TMC4: variants seen among roughly 807,000 people sequenced by gnomAD.
The protein encoded by TMC4 is voltage-gated chloride channel TMC4.
In TMC4, 70 loss-of-function variants were observed where a neutral mutation model predicts 82.0. The ratio of observed to expected loss-of-function variants is 0.85; its 90% CI spans 0.70 to 1.04. The LOEUF is 1.04. TMC4 is among the 50% of genes least tolerant of loss of function. TMC4 has a pLI of 0.00. For synonymous variants in TMC4, 446 were observed against 406.0 expected (o/e 1.10, Z -1.18); for missense variants, 879 against 899.0 (o/e 0.98, Z 0.28).
Position 54,164,553 on chromosome 19 carries a change from G to A in TMC4, c.994C>T (p.Leu332=). The change falls in exon 7 of 15, where the codon CTG becomes TTG. Residue 332 remains leucine, a synonymous_variant. Coordinates refer to ENST00000619895, the MANE Select transcript of TMC4 (RefSeq NM_144686.4). ...AACCAAACCCTGGCTTGCTGGCCCA[G>A]CGTCCGCACCGCAGCCTGGCGCCGC... is the stretch of plus-strand genomic sequence containing the variant. The part of the protein sequence containing the change: ...VVRRQAAVRT[L]GQQARVWLVR... 1 of 1,613,766 alleles carries A rather than the reference G, an allele frequency of 6.2e-7. No homozygotes were observed. The highest frequency in any genetic ancestry group is 8.5e-7 in the Non-Finnish European group (1 of 1,179,986).
In TMC4 at chr19:54,162,675, T is replaced by C. The variant is rs201616658; in HGVS notation, c.1500A>G (p.Arg500=). The C allele has an allele frequency of 1.9e-5, 31 of 1,613,374 alleles. No individual in the cohort carries two copies. Among genetic ancestry groups the C allele is most frequent in the Non-Finnish European group, 2.5e-5 (30 of 1,179,766 alleles). ...LAVALLIQFP[R]KLLCGLCPGA... ...ACAGCAAGGGGCGGGGCTCTCACTT[T>C]CTAGGAAACTGGATGAGCAGCGCGA... Residue 500 remains arginine (R), a splice_region_variant and synonymous_variant, in exon 10 of 15, where the codon AGA becomes AGG. Coordinates refer to ENST00000619895, the MANE Select transcript of TMC4 (RefSeq NM_144686.4).
At chr19:54,165,638 T>C (rs2075685708) in intron 5 of TMC4, 72 bp from the exon 6 acceptor site, 17 of 1,512,990 alleles carry the variant, frequency 1.1e-5, no homozygotes, top group Non-Finnish European at 1.8e-6. Flanking sequence ...AGACCCCTCA[T>C]ATTGGGACAA....
Position 54,161,141 on chromosome 19 carries a change from G to A in TMC4, c.1806C>T (p.Tyr602=), listed in dbSNP as rs1166986601. ...GLAISSVPLL[Y]SIFLIPPSKL... is the part of the protein sequence containing the mutation. ...CCTCTCGCACTTACAGGAAGATGCT[G>A]TAAAGCAGGGGAACGCTGGAGATGG... is the stretch of plus-strand genomic sequence containing the variant. The change falls in exon 12 of 15, where the codon TAC becomes TAT. Residue 602 remains tyrosine, a synonymous_variant. Transcript: ENST00000619895. 1.3e-6 allele frequency: 2 copies of A among 1,584,310 alleles called. No homozygotes were observed. Among genetic ancestry groups the A allele is most frequent in the African/African-American group, 1.4e-5 (1 of 73,134 alleles).
intron 5 of TMC4, among the ~76,000 whole-genome samples, chr19:54,167,574 A>C (rs1364396050): frequency 6.6e-6 from 1 of 151,148 alleles, no homozygotes; most frequent in African/African-American, 2.4e-5. Context: ...CAAACAAACA[A>C]AACAAATGAA....
At chr19:54,168,738 C>T (rs1402990346) in intron 3 of TMC4, 58 bp from the exon 4 acceptor site, 7 of 1,174,792 alleles carry the variant, frequency 6.0e-6, no homozygotes, top group Non-Finnish European at 7.8e-6. Flanking sequence ...ACCAGCCCCT[C>T]CTACCCCTGG....
Position 54,166,539 on chromosome 19 carries a change from T to C in TMC4, c.798-973A>G, listed in dbSNP as rs58144231. ...AGGGCCCTCACATGGTCTCCTTGCT[T>C]CCACTTGTGCCCGCATATAATCCAT... On this transcript the variant is annotated intron_variant, in intron 5 of 14. Coordinates refer to ENST00000619895, the MANE Select transcript of TMC4 (RefSeq NM_144686.4). Among the ~76,000 whole-genome samples the C allele has an allele frequency of 9.4e-3, 1,435 of 152,262 alleles. 45 individuals carry two copies. In the East Asian group the frequency reaches 0.1, roughly 11 times the overall value.
At chr19:54,172,745 C>A in intron 1 of TMC4, 1 of 359,374 alleles carries the variant, frequency 2.8e-6, no homozygotes, top group Non-Finnish European at 5.0e-6. Flanking sequence ...CTTTAACTTC[C>A]TTTTCCCTCT....
Position 54,169,587 on chromosome 19 carries a change from G to A in TMC4, c.367C>T (p.Arg123Trp), listed in dbSNP as rs560568149. 17 of 1,613,926 alleles carry A rather than the reference G, an allele frequency of 1.1e-5. No individual in the cohort carries two copies. Among genetic ancestry groups the A allele is most frequent in the Middle Eastern group, 1.7e-4 (1 of 6,060 alleles). Residue 123 changes from arginine to tryptophan, a missense_variant, in exon 3 of 15, where the codon CGG becomes TGG. By Grantham distance (101) the Arg-to-Trp change is moderately radical. Coordinates refer to ENST00000619895, the MANE Select transcript of TMC4 (RefSeq NM_144686.4). The stretch of plus-strand genomic sequence containing the variant: ...TCCTTTGTTTTCTCCTTGGACCTCC[G>A]AAGTAGCCGCGCCCATCGGTCCGTC... ...TKTDRWARLL[R>W]RSKEKTKEGL... is the part of the protein sequence containing the mutation.
chr19:54,160,202 G>A lies in TMC4; in HGVS notation c.*104C>T. 3.1e-6 allele frequency: 4 copies of A among 1,271,348 alleles called. No individual in the cohort carries two copies. The highest frequency in any genetic ancestry group is 4.2e-6 in the Non-Finnish European group (4 of 942,648). 78.8% of individuals were successfully genotyped at this position (1,271,348 alleles called of 1,614,324 possible). On this transcript the variant is annotated 3_prime_UTR_variant, in exon 15 of 15. Transcript: ENST00000619895. ...GCCCTGGAAATCTCCAGATACCAAAGCTGGAAGGGCGTGGAGTCTTCTCCA... is the reference window on the plus strand; with the variant it reads ...GCCCTGGAAATCTCCAGATACCAAAACTGGAAGGGCGTGGAGTCTTCTCCA...
chr19:54,162,194 CG>C lies in TMC4; in HGVS notation c.1593del (p.Tyr531Ter). 6.2e-7 allele frequency: 1 copy of C among 1,613,622 alleles called. No individual in the cohort carries two copies. On this transcript the variant is annotated frameshift_variant, in exon 11 of 15. Coordinates refer to ENST00000619895, the MANE Select transcript of TMC4 (RefSeq NM_144686.4). LOFTEE classifies it high-confidence loss of function. ...QVPDEVLGLI[Y>X]AQTVVWVGSF... The stretch of plus-strand genomic sequence containing the variant: ...CTCCCCACCCAGACCACCGTCTGCG[CG>C]TAGATGAGCCCCAGCACCTCGTCGG...
Position 54,160,123 on chromosome 19 carries a change from G to T in TMC4, c.*183C>A. 3.1e-6 allele frequency: 2 copies of T among 639,682 alleles called. No individual in the cohort carries two copies. Among genetic ancestry groups the T allele is most frequent in the Non-Finnish European group, 4.9e-6 (2 of 407,110 alleles). The allele number at this position is 639,682 out of a possible 1,614,324, so 39.6% of individuals were successfully genotyped here. A position where few individuals can be genotyped will look rare whatever the true frequency, so the allele number is the denominator to read the frequency against. On this transcript the variant is annotated 3_prime_UTR_variant, in exon 15 of 15. Transcript: ENST00000619895. ...CAAAGCGCGCTCAGCAACCTCGGCT[G>T]TATTTATTGATACAAGGAAGATCAC...
chr19:54,162,936 A>C (rs1600556840), intron 9 of TMC4, 97 bp downstream of exon 9: 2 of 1,592,418 alleles, frequency 1.3e-6, no homozygotes, highest in East Asian at 2.2e-5. Context: ...CAGCACCCCA[A>C]GCTCCCCTCT....
chr19:54,168,678 G>A lies in TMC4; in HGVS notation c.445C>T (p.Gln149Ter), dbSNP rs1423865054. 2 of 1,524,516 alleles carry A rather than the reference G, an allele frequency of 1.3e-6. No individual in the cohort carries two copies. The highest frequency in any genetic ancestry group is 1.8e-6 in the Non-Finnish European group (2 of 1,133,018). The allele number at this position is 1,524,516 out of a possible 1,614,324, so 94.4% of individuals were successfully genotyped here. A position where few individuals can be genotyped will look rare whatever the true frequency, so the allele number is the denominator to read the frequency against. Residue 149 changes from glutamine (Q) to a stop codon, truncating the protein, a stop_gained and splice_region_variant, in exon 4 of 15, where the codon CAG becomes TAG. Coordinates refer to ENST00000619895, the MANE Select transcript of TMC4 (RefSeq NM_144686.4). LOFTEE classifies it high-confidence loss of function. ...WAWTLKRIGGQFGAGTESYFS... is the reference protein window; with the variant it reads ...WAWTLKRIGG Reference sequence around the variant, plus strand: ...TAGGACTCCGTGCCGGCGCCAAACTGGCCTGCAGGGGGCAGCAGAGAGAGG... The same window carrying A: ...TAGGACTCCGTGCCGGCGCCAAACTAGCCTGCAGGGGGCAGCAGAGAGAGG...
chr19:54,160,871 G>T lies in TMC4; in HGVS notation c.1973+7C>A. ...AAACCCAGACCCAGAAGTCTGGGCC[G>T]TCTCACCTGGAGATCAGCAGAAGGG... On this transcript the variant is annotated splice_region_variant and intron_variant, in intron 13 of 14. Transcript: ENST00000619895. The T allele has an allele frequency of 6.2e-7, 1 of 1,613,656 alleles. No homozygotes were observed. Among genetic ancestry groups the T allele is most frequent in the South Asian group, 1.1e-5 (1 of 91,040 alleles).
At chr19:54,168,912 T>TTTCCTTCCTTCCTTCCTTCCTTCC (rs1237660940) in intron 3 of TMC4, among the ~76,000 whole-genome samples, 1 of 11,480 alleles carries the variant, frequency 8.7e-5, no homozygotes, top group Non-Finnish European at 1.5e-4. Flanking sequence ...TTCTTCTTTC[T>TTTCCTTCCTTCCTTCCTTCCTTCC]TTCCTTCCTT....
intron 6 of TMC4, 24 bp from the exon 7 acceptor site, chr19:54,164,625 T>C (rs886252423): frequency 6.2e-7 from 1 of 1,610,478 alleles, no homozygotes; most frequent in East Asian, 2.2e-5. Flanking sequence ...AGATGCCCGC[T>C]TGGACTCCAT....
chr19:54,162,936 AGCTCCCCTCTCC>A, intron 9 of TMC4, 85 bp downstream of exon 9: 1 of 1,592,418 alleles, frequency 6.3e-7, no homozygotes. Context: ...CAGCACCCCA[AGCTCCCCTCTCC>A]GCCCAAACCA....
At position 54,162,144 on chromosome 19, in the gene TMC4, C is replaced by A. The variant is rs762337344; in HGVS notation, c.1644G>T (p.Leu548=). The A allele has an allele frequency of 6.2e-7, 1 of 1,613,780 alleles. No individual in the cohort carries two copies. The highest frequency in any genetic ancestry group is 1.7e-5 in the Admixed American group (1 of 59,926). Residue 548 remains leucine, a synonymous_variant, in exon 11 of 15, where the codon CTG becomes CTT. Transcript: ENST00000619895. ...GCAGCAGGAACTTGACCGTGTTAAG[C>A]AGGGGCAGTAAAGGGCAGAAAAAAC... ...VGSFFCPLLP[L]LNTVKFLLLF...
intron 5 of TMC4, among the ~76,000 whole-genome samples, chr19:54,167,640 T>A (rs12975696): frequency 6.8e-6 from 1 of 146,914 alleles, no homozygotes. Context: ...ATGGAGTTTC[T>A]CTCTGTCGCC....
Sources: gnomAD v4.1 joint callset for allele counts (sites outside exome capture counted in the v4.1 genomes callset) on GRCh38, gnomAD v4.1.1 for gene constraint, MANE v1.5 for transcripts, NCBI Gene and HGNC (gene_info 2026-07-23, HGNC 2026-07-21) for gene names.